Variants in TMEM41B observed in about 807,000 individuals in gnomAD.
TMEM41B encodes the protein transmembrane protein 41B.
Under a neutral mutation model 31.9 loss-of-function variants are expected in TMEM41B, and 18 were observed. The ratio of observed to expected loss-of-function variants is 0.56; its 90% CI spans 0.39 to 0.84. The LOEUF is 0.84. Among genes scored for constraint, TMEM41B ranks in the 40% least tolerant of loss-of-function variants. The pLI, the probability that TMEM41B is intolerant of heterozygous loss-of-function variation, is 0.00. For missense variants in TMEM41B, 322 were observed against 348.0 expected (o/e 0.93, Z 0.59); for synonymous variants, 144 against 124.3 (o/e 1.16, Z -1.05).
At chr11:9,312,903 CAAAAAAA>C (rs36030741) in intron 1 of TMEM41B, among the ~76,000 whole-genome samples, 2 of 95,312 alleles carry the variant, frequency 2.1e-5, no homozygotes, top group Admixed American at 1.2e-4. Flanking sequence ...GACTCCGTCT[CAAAAAAA>C]AAAAAAAAAA....
chr11:9,299,325 T>C lies in TMEM41B; in HGVS notation c.239+259A>G, dbSNP rs7110950. On this transcript the variant is annotated intron_variant, in intron 2 of 6. Transcript: ENST00000528080. ...AAAAAAGAAAGTATATATACATACATACACACACACACACACACACGTGTG... is the reference window on the plus strand; with the variant it reads ...AAAAAAGAAAGTATATATACATACACACACACACACACACACACACGTGTG... Among the ~76,000 whole-genome samples the C allele has an allele frequency of 7.7e-3, 945 of 123,098 alleles. 14 individuals are homozygous for C. Among genetic ancestry groups the C allele is most frequent in the African/African-American group, 0.024 (793 of 32,924 alleles). The allele number at this position is 123,098 out of a possible 152,430, so 80.8% of individuals were successfully genotyped here.
At position 9,286,618 on chromosome 11, in the gene TMEM41B, GC is replaced by G. The variant is rs775718712; in HGVS notation, c.568-26del. 2.5e-6 allele frequency: 4 copies of G among 1,576,880 alleles called. No homozygotes were observed. In the African/African-American group the frequency reaches 5.5e-5, roughly 22 times the overall value. ...CCTGTCATAAGAAAGAAAAGAATTA[GC>G]ATCAGATGAGGACAACTTCAAAATA... On this transcript the variant is annotated intron_variant, in intron 5 of 6. Transcript: ENST00000528080.
Position 9,299,239 on chromosome 11 carries a change from C to T in TMEM41B, c.239+345G>A, listed in dbSNP as rs538061323. Among the ~76,000 whole-genome samples, 16 of 142,874 alleles carry T rather than the reference C, an allele frequency of 1.1e-4. No individual in the cohort carries two copies. The South Asian group carries it at 2.7e-3, about 24-fold the overall frequency. 93.7% of individuals were successfully genotyped at this position (142,874 alleles called of 152,430 possible). On this transcript the variant is annotated intron_variant, in intron 2 of 6. Coordinates refer to ENST00000528080, the MANE Select transcript of TMEM41B (RefSeq NM_015012.4). ...GGGCTTATACAGTGAGCTGAGATCA[C>T]GCCACTGCATTCCAGCCTGGGTGAC... is the stretch of plus-strand genomic sequence containing the variant.
At chr11:9,305,044 A>C (rs1404513062) in intron 1 of TMEM41B, among the ~76,000 whole-genome samples, 3 of 152,164 alleles carry the variant, frequency 2.0e-5, no homozygotes, top group Non-Finnish European at 4.4e-5. Context: ...CTCCTGCCTC[A>C]GCCTCCCAAA....
intron 4 of TMEM41B, 80 bp from the exon 5 acceptor site, chr11:9,287,886 C>T: frequency 9.8e-7 from 1 of 1,015,340 alleles, no homozygotes; most frequent in South Asian, 1.4e-5. Flanking sequence ...GTAAAAAGCT[C>T]AATTAATTTA....
At chr11:9,301,009 C>G (rs1402233259) in intron 1 of TMEM41B, among the ~76,000 whole-genome samples, 1 of 152,146 alleles carries the variant, frequency 6.6e-6, no homozygotes, top group African/African-American at 2.4e-5. Context: ...TTACATTGCA[C>G]TCACTGGGGA....
intron 3 of TMEM41B, among the ~76,000 whole-genome samples, chr11:9,292,669 A>G (rs1852985508): frequency 6.6e-6 from 1 of 151,962 alleles, no homozygotes; most frequent in African/African-American, 2.4e-5. Flanking sequence ...CATCGCTACA[A>G]AAAAATACAT....
At chr11:9,311,576 TG>T in intron 1 of TMEM41B, 9 of 1,057,264 alleles carry the variant, frequency 8.5e-6, no homozygotes, top group East Asian at 2.5e-5. Context: ...GACAGGGGCC[TG>T]GGGGAAAGGG....
At chr11:9,311,793 T>A in intron 1 of TMEM41B, 1 of 568,052 alleles carries the variant, frequency 1.8e-6, no homozygotes. Flanking sequence ...ATCTTCATCA[T>A]GCAAAAATTA....
intron 1 of TMEM41B, among the ~76,000 whole-genome samples, chr11:9,301,843 A>G (rs188016027): frequency 6.6e-6 from 1 of 152,216 alleles, no homozygotes; most frequent in Admixed American, 6.6e-5. Context: ...CGCCGAAGAC[A>G]TGTATCAGAA....
intron 3 of TMEM41B, among the ~76,000 whole-genome samples, chr11:9,291,556 C>T (rs908388246): frequency 8.6e-5 from 13 of 151,382 alleles, no homozygotes; most frequent in African/African-American, 2.2e-4. Flanking sequence ...CGTGTGCCAT[C>T]GCGCCCAGCT....
intron 6 of TMEM41B, among the ~76,000 whole-genome samples, 186 bp from the exon 7 acceptor site, chr11:9,283,779 G>A (rs1164971656): frequency 6.7e-6 from 1 of 150,124 alleles, no homozygotes; most frequent in African/African-American, 2.5e-5. Context: ...CACCTCTTAA[G>A]GATAATGATT....
At chr11:9,294,505 AG>A (rs1251888298) in intron 3 of TMEM41B, among the ~76,000 whole-genome samples, 1 of 151,612 alleles carries the variant, frequency 6.6e-6, no homozygotes, top group African/African-American at 2.4e-5. Flanking sequence ...AAAAAAAAAA[AG>A]TTGGTTTAAA....
chr11:9,293,283 C>T (rs1033951178), intron 3 of TMEM41B, among the ~76,000 whole-genome samples: 3 of 152,022 alleles, frequency 2.0e-5, no homozygotes, highest in Non-Finnish European at 2.9e-5. Flanking sequence ...TTGTATTTCT[C>T]GTAGAAACTG....
intron 3 of TMEM41B, among the ~76,000 whole-genome samples, chr11:9,291,511 C>T (rs1410853551): frequency 6.6e-6 from 1 of 151,052 alleles, no homozygotes; most frequent in Admixed American, 6.6e-5. Context: ...AAGCGATTCT[C>T]CTGCCTCAGC....
intron 3 of TMEM41B, among the ~76,000 whole-genome samples, chr11:9,290,552 TA>T (rs67916764): frequency 0.44 from 59,388 of 136,086 alleles, 12,462 homozygotes; most frequent in East Asian, 0.52. Context: ...AGTATAATAA[TA>T]AAAAAAAAAA....
chr11:9,301,477 A>G (rs1285971861), intron 1 of TMEM41B, among the ~76,000 whole-genome samples: 1 of 152,224 alleles, frequency 6.6e-6, no homozygotes, highest in East Asian at 1.9e-4. Flanking sequence ...GTATCCTAAA[A>G]GTACTGAACT....
rs530231463 is a variant in TMEM41B at position 9,295,919 on chromosome 11, C to T, written c.240-532G>A. Among the ~76,000 whole-genome samples the T allele has an allele frequency of 7.2e-5, 11 of 152,078 alleles. No homozygotes were observed. In the South Asian group the frequency reaches 8.3e-4, roughly 11 times the overall value. On this transcript the variant is annotated intron_variant, in intron 2 of 6. Transcript: ENST00000528080. ...TTGCCCAGGCTGGAGTGCATTGGCG[C>T]GATCTCGGCTCAGTGCAACCTCCAC...
At position 9,314,338 on chromosome 11, in the gene TMEM41B, C is replaced by G. The variant is rs1853637778; in HGVS notation, c.104G>C (p.Ser35Thr). ...CCACTCACCCTTCTGGTGGTCTCTG[C>G]TGCCAGGCGCCGCGAGACCCCGCGT... ...AGTRGLAAPG[S>T]RDHQKEKSWV... Residue 35 changes from serine (S) to threonine (T), a missense_variant, in exon 1 of 7, where the codon AGC becomes ACC. Ser to Thr is a moderately conservative substitution (Grantham distance 58). Transcript: ENST00000528080. 6.3e-7 allele frequency: 1 copy of G among 1,596,904 alleles called. No homozygotes were observed. The highest frequency in any genetic ancestry group is 1.3e-5 in the African/African-American group (1 of 74,448).
Sources: gnomAD v4.1 joint callset for allele counts (sites outside exome capture counted in the v4.1 genomes callset) on GRCh38, gnomAD v4.1.1 for gene constraint, MANE v1.5 for transcripts, NCBI Gene and HGNC (gene_info 2026-07-23, HGNC 2026-07-21) for gene names.